Variants in CREB5 observed in about 807,000 individuals in gnomAD.
CREB5 encodes the protein cAMP responsive element binding protein 5.
A neutral mutation model predicts 57.1 loss-of-function variants in CREB5; 19 were observed. The ratio of observed to expected loss-of-function variants is 0.33; its 90% CI spans 0.23 to 0.49. The LOEUF is 0.49. CREB5 is among the 20% of genes least tolerant of loss of function. The pLI is 0.99. For missense variants in CREB5, 579 were observed against 671.6 expected, an observed-to-expected ratio of 0.86 and a Z score of 1.52; for synonymous variants, 238 against 238.3, an observed-to-expected ratio of 1.00 and a Z score of 0.01.
intron 4 of CREB5, among the ~76,000 whole-genome samples, chr7:28,561,011 T>TGCGTGC (rs1280116550): frequency 1.9e-4 from 9 of 48,056 alleles, no homozygotes; most frequent in African/African-American, 3.1e-4. Flanking sequence ...TGTGCGTGTG[T>TGCGTGC]GTGTGCGTGT....
chr7:28,330,491 A>G (rs546755712), intron 1 of CREB5, among the ~76,000 whole-genome samples: 4 of 147,132 alleles, frequency 2.7e-5, no homozygotes, highest in African/African-American at 1.0e-4. Context: ...TTGCAGGTAG[A>G]CCAGACTGGA....
At chr7:28,529,327 C>T (rs1793617539) in intron 4 of CREB5, among the ~76,000 whole-genome samples, 1 of 149,320 alleles carries the variant, frequency 6.7e-6, no homozygotes, top group African/African-American at 2.5e-5. Flanking sequence ...GTGGGAAGCA[C>T]TTCCCTGTGC....
In CREB5 at chr7:28,612,103, C is replaced by A. The variant is rs1797415477; in HGVS notation, c.464+41566C>A. 2.6e-5 allele frequency among the ~76,000 whole-genome samples: 4 copies of A among 152,112 alleles called. No homozygotes were observed. In the South Asian group the frequency reaches 8.3e-4, roughly 32 times the overall value. ...AAAAAGCAGAGATGGTGTGTGTTTC[C>A]TTCTGGGGGAGATGACTTAGCTCTC... is the stretch of plus-strand genomic sequence containing the variant. On this transcript the variant is annotated intron_variant, in intron 5 of 10. Coordinates refer to ENST00000357727, the MANE Select transcript of CREB5 (RefSeq NM_182898.4).
In CREB5 at chr7:28,429,867, C is replaced by T. The variant is rs771712646; in HGVS notation, c.3+16950C>T. On this transcript the variant is annotated intron_variant, in intron 1 of 10. Transcript: ENST00000357727. ...TGGGGGCACAGGGAAGGGTTAGAGG[C>T]GTTGTGTCGGGATCTGAGCTGGCTG... Among the ~76,000 whole-genome samples, 3 of 152,110 alleles carry T rather than the reference C, an allele frequency of 2.0e-5. No individual in the cohort carries two copies. In the South Asian group the frequency reaches 6.2e-4, roughly 31 times the overall value.
At chr7:28,452,850 GA>G (rs1410994573) in intron 1 of CREB5, among the ~76,000 whole-genome samples, 3 of 152,242 alleles carry the variant, frequency 2.0e-5, no homozygotes, top group Admixed American at 1.3e-4. Flanking sequence ...GAGCAGGACA[GA>G]GAAAGACAGA....
chr7:28,357,625 T>C (rs1786373538), intron 1 of CREB5, among the ~76,000 whole-genome samples: 2 of 152,322 alleles, frequency 1.3e-5, no homozygotes, highest in South Asian at 4.1e-4. Context: ...GGCTTTTATC[T>C]CTCTGCTTTA....
intron 5 of CREB5, among the ~76,000 whole-genome samples, chr7:28,672,236 A>G (rs906928040): frequency 1.3e-5 from 2 of 151,054 alleles, no homozygotes; most frequent in Admixed American, 1.3e-4. Context: ...TAGGTTTTAA[A>G]AGACCTGGGA....
intron 1 of CREB5, among the ~76,000 whole-genome samples, chr7:28,433,112 A>G (rs1788797795): frequency 1.3e-5 from 2 of 152,150 alleles, no homozygotes; most frequent in African/African-American, 4.8e-5. Flanking sequence ...TTTCCTGGTA[A>G]TAAATAATAT....
At chr7:28,703,352 A>G (rs777133656) in intron 5 of CREB5, among the ~76,000 whole-genome samples, 13 of 152,178 alleles carry the variant, frequency 8.5e-5, no homozygotes, top group Non-Finnish European at 1.5e-4. Context: ...AAAGTTAATG[A>G]CTAAATTCTG....
At chr7:28,558,395 T>C (rs1794957093) in intron 4 of CREB5, among the ~76,000 whole-genome samples, 1 of 152,202 alleles carries the variant, frequency 6.6e-6, no homozygotes, top group Admixed American at 6.5e-5. Context: ...CAATTTACAA[T>C]GCAAGGCCAT....
At chr7:28,438,910 G>T (rs1789073860) in intron 1 of CREB5, among the ~76,000 whole-genome samples, 1 of 152,114 alleles carries the variant, frequency 6.6e-6, no homozygotes, top group Non-Finnish European at 1.5e-5. Flanking sequence ...CATTTTTGTG[G>T]GAAAGGAGCA....
At chr7:28,544,001 T>C (rs773986162) in intron 4 of CREB5, among the ~76,000 whole-genome samples, 1 of 151,138 alleles carries the variant, frequency 6.6e-6, no homozygotes, top group Non-Finnish European at 1.5e-5. Context: ...CCTCGATAAA[T>C]GGTGAGTTTT....
intron 1 of CREB5, among the ~76,000 whole-genome samples, chr7:28,392,916 A>T (rs1276141958): frequency 6.8e-6 from 1 of 147,516 alleles, no homozygotes; most frequent in Non-Finnish European, 1.5e-5. Context: ...CTCTCAACCC[A>T]CAAAGCAGCA....
At chr7:28,414,287 C>CTT (rs11347506) in intron 1 of CREB5, among the ~76,000 whole-genome samples, 347 of 148,734 alleles carry the variant, frequency 2.3e-3, no homozygotes, top group Non-Finnish European at 3.5e-3. Flanking sequence ...AATTTAAGGT[C>CTT]TTTTTTTTTT....
intron 1 of CREB5, among the ~76,000 whole-genome samples, chr7:28,353,586 G>A (rs1028194503): frequency 2.0e-5 from 3 of 152,112 alleles, no homozygotes; most frequent in African/African-American, 7.2e-5. Flanking sequence ...GCTCACACCT[G>A]TAATCCCAGC....
chr7:28,346,680 G>A (rs1264184164), intron 1 of CREB5, among the ~76,000 whole-genome samples: 1 of 152,206 alleles, frequency 6.6e-6, no homozygotes, highest in Admixed American at 6.5e-5. Flanking sequence ...CAGGAAGCAG[G>A]TGGGACTTTG....
intron 4 of CREB5, among the ~76,000 whole-genome samples, chr7:28,535,202 C>T (rs1793904300): frequency 7.1e-6 from 1 of 141,332 alleles, no homozygotes; most frequent in Non-Finnish European, 1.6e-5. Flanking sequence ...GTAACAGACT[C>T]AAGTCTTTTT....
In CREB5 at chr7:28,412,593, T is replaced by C. The variant is rs990613165; in HGVS notation, c.-322T>C. 1 of 252,030 alleles carries C rather than the reference T, an allele frequency of 4.0e-6. No individual in the cohort carries two copies. Among genetic ancestry groups the C allele is most frequent in the Admixed American group, 5.4e-5 (1 of 18,596 alleles). The allele number at this position is 252,030 out of a possible 1,614,324, so 15.6% of individuals were successfully genotyped here. Reference sequence around the variant, plus strand: ...ACAGTTCCACAAATTTTTAGTCACATTTTCCATGTCAGTTAAATCTAGGGA... The same window carrying C: ...ACAGTTCCACAAATTTTTAGTCACACTTTCCATGTCAGTTAAATCTAGGGA... On this transcript the variant is annotated 5_prime_UTR_variant, in exon 1 of 11. Coordinates refer to ENST00000357727, the MANE Select transcript of CREB5 (RefSeq NM_182898.4).
chr7:28,348,785 G>A (rs1055514063), intron 1 of CREB5, among the ~76,000 whole-genome samples: 1 of 152,162 alleles, frequency 6.6e-6, no homozygotes, highest in African/African-American at 2.4e-5. Context: ...GTGGTGCCAA[G>A]AGCCACATTC....
Sources: allele counts gnomAD v4.1 joint callset (sites outside exome capture counted in the v4.1 genomes callset), GRCh38; gene constraint gnomAD v4.1.1; transcripts MANE v1.5; gene names NCBI Gene and HGNC (gene_info 2026-07-23, HGNC 2026-07-21).